FUT8: variants seen among roughly 807,000 people sequenced by gnomAD.
FUT8 encodes the protein alpha-(1,6)-fucosyltransferase.
In FUT8, 29 loss-of-function variants were observed where a neutral mutation model predicts 71.3. That is an observed-to-expected ratio of 0.41 (90% CI 0.30 to 0.55). The LOEUF is 0.55. FUT8 is among the 20% of genes least tolerant of loss of function. The probability of loss-of-function intolerance (pLI) is 0.34; values close to 1 mark genes in which losing one functional copy is unlikely to be tolerated. For synonymous variants in FUT8, 254 were observed against 239.3 expected (o/e 1.06, Z -0.57); for missense variants, 544 against 702.1 (o/e 0.77, Z 2.55).
chr14:65,370,829 G>A, the FUT8 span, among the ~76,000 whole-genome samples: 1 of 152,162 alleles, frequency 6.6e-6, no homozygotes, highest in Non-Finnish European at 1.5e-5. Flanking sequence ...TCAGTGATGA[G>A]CAGTGATAAG....
intron 3 of FUT8, among the ~76,000 whole-genome samples, chr14:65,611,287 A>G (rs1214834698): frequency 2.4e-5 from 1 of 42,292 alleles, no homozygotes. Context: ...ACACACACAC[A>G]CACACACACA....
intron 3 of FUT8, among the ~76,000 whole-genome samples, chr14:65,596,762 G>GT (rs1249291997): frequency 5.3e-5 from 8 of 151,904 alleles, no homozygotes; most frequent in Non-Finnish European, 1.0e-4. Context: ...AAAATGCATG[G>GT]TTGTTTTCTC....
chr14:65,707,085 A>G (rs957898964), intron 7 of FUT8, among the ~76,000 whole-genome samples: 3 of 152,168 alleles, frequency 2.0e-5, no homozygotes, highest in Non-Finnish European at 4.4e-5. Flanking sequence ...TTTTTAAAAA[A>G]TATAGATTCC....
Position 65,669,535 on chromosome 14 carries a change from A to G in FUT8, c.835+55A>G. ...CTGGGCTGTTTCACTCAATTACCAGATTATTAGATTTCTAGGTAGACCTTC... is the reference window on the plus strand; with the variant it reads ...CTGGGCTGTTTCACTCAATTACCAGGTTATTAGATTTCTAGGTAGACCTTC... On this transcript the variant is annotated intron_variant, in intron 7 of 10. Coordinates refer to ENST00000673929, the MANE Select transcript of FUT8 (RefSeq NM_001371533.1). This position sits in a 1 kb window ranked among gnomAD's most constrained non-coding sequence, Gnocchi z 4.5. The G allele has an allele frequency of 8.2e-7, 1 of 1,222,464 alleles. No homozygotes were observed. Among genetic ancestry groups the G allele is most frequent in the East Asian group, 2.3e-5 (1 of 42,954 alleles). 75.7% of individuals were successfully genotyped at this position (1,222,464 alleles called of 1,614,324 possible).
In FUT8 at chr14:65,439,954, G is replaced by GTATATATATATATA. The variant is rs60534547; in HGVS notation, c.-325-15643_-325-15630dup. Among the ~76,000 whole-genome samples, 103 of 74,914 alleles carry GTATATATATATATA rather than the reference G, an allele frequency of 1.4e-3. 2 individuals are homozygous for GTATATATATATATA. The highest frequency in any genetic ancestry group is 3.8e-3 in the Admixed American group (23 of 6,120). 49.1% of individuals were successfully genotyped at this position (74,914 alleles called of 152,430 possible). A position where few individuals can be genotyped will look rare whatever the true frequency, so the allele number is the denominator to read the frequency against. On this transcript the variant is annotated intron_variant, in intron 1 of 10. Coordinates refer to ENST00000673929, the MANE Select transcript of FUT8 (RefSeq NM_001371533.1). The stretch of plus-strand genomic sequence containing the variant: ...ATAAAGAAAATGTGTGTGTGTGTGT[G>GTATATATATATATA]TATATATATATATATATATATATAT...
In FUT8 at chr14:65,643,509, C is replaced by T. The variant is rs1016879771; in HGVS notation, c.597+13903C>T. Among the ~76,000 whole-genome samples the T allele has an allele frequency of 1.3e-5, 2 of 152,026 alleles. No homozygotes were observed. The highest frequency in any genetic ancestry group is 2.9e-5 in the Non-Finnish European group (2 of 67,996). Reference sequence around the variant, plus strand: ...CTCTACTAAAAATACAAAAGATTAGCCGGGCGTGGTGGCGGGCACCTGTAG... The same window carrying T: ...CTCTACTAAAAATACAAAAGATTAGTCGGGCGTGGTGGCGGGCACCTGTAG... On this transcript the variant is annotated intron_variant, in intron 6 of 10. Coordinates refer to ENST00000673929, the MANE Select transcript of FUT8 (RefSeq NM_001371533.1). The surrounding 1 kb of genome is among the most constrained non-coding windows in gnomAD (Gnocchi z 4.5).
At chr14:65,700,093 A>T (rs1894206460) in intron 7 of FUT8, among the ~76,000 whole-genome samples, 1 of 152,120 alleles carries the variant, frequency 6.6e-6, no homozygotes, top group Admixed American at 6.5e-5. Context: ...ACATAATCTG[A>T]TTATGTTGTA....
chr14:65,362,848 G>A, the FUT8 span, among the ~76,000 whole-genome samples: 2 of 151,748 alleles, frequency 1.3e-5, no homozygotes, highest in Admixed American at 1.3e-4. Context: ...TGTAGTCCCA[G>A]CTACTCAGGA....
At chr14:65,718,492 A>G (rs541681508) in intron 7 of FUT8, among the ~76,000 whole-genome samples, 2 of 152,312 alleles carry the variant, frequency 1.3e-5, no homozygotes, top group South Asian at 4.2e-4. Context: ...TAAGATATCA[A>G]TAGGTTACAT....
At chr14:65,521,455 G>A (rs976915813) in intron 2 of FUT8, among the ~76,000 whole-genome samples, 1 of 152,172 alleles carries the variant, frequency 6.6e-6, no homozygotes, top group Non-Finnish European at 1.5e-5. Context: ...GTACATTAGG[G>A]ATGGTAATAA....
chr14:65,519,175 G>A (rs953057824), intron 2 of FUT8, among the ~76,000 whole-genome samples: 1 of 152,146 alleles, frequency 6.6e-6, no homozygotes. Flanking sequence ...TAGTGAGGAA[G>A]TGGAACGTGT....
intron 9 of FUT8, among the ~76,000 whole-genome samples, chr14:65,727,281 C>G (rs1441896093): frequency 6.6e-6 from 1 of 152,198 alleles, no homozygotes; most frequent in Non-Finnish European, 1.5e-5. Flanking sequence ...TTTTGCTTCT[C>G]TACTGCCCTA....
chr14:65,596,263 G>A lies in FUT8; in HGVS notation c.204-19715G>A, dbSNP rs796826011. On this transcript the variant is annotated intron_variant, in intron 3 of 10. Coordinates refer to ENST00000673929, the MANE Select transcript of FUT8 (RefSeq NM_001371533.1). ...AAATGAAAAGTTGTAATTTTGATGT[G>A]TTTTGATTTTAAATATAGATTTGCT... Among the ~76,000 whole-genome samples the A allele has an allele frequency of 9.2e-5, 14 of 152,194 alleles. 3 individuals carry two copies. The highest frequency in any genetic ancestry group is 3.4e-4 in the African/African-American group (14 of 41,512).
At chr14:65,738,827 A>G (rs1378911301) in intron 10 of FUT8, among the ~76,000 whole-genome samples, 2 of 152,096 alleles carry the variant, frequency 1.3e-5, no homozygotes, top group East Asian at 1.9e-4. Flanking sequence ...TTAATGTTAT[A>G]TATGGATCTT....
At position 65,416,039 on chromosome 14, in the gene FUT8, A is replaced by C. The variant is rs758102146; in HGVS notation, c.-326+2825A>C. 3.4e-4 allele frequency among the ~76,000 whole-genome samples: 52 copies of C among 152,330 alleles called. 1 individual carries two copies. Among genetic ancestry groups the C allele is most frequent in the Middle Eastern group, 6.8e-3 (2 of 294 alleles). ...GGCTGTTTATTATCCATAGCTCTTC[A>C]TTATGTAAATAGAATCTCAATGCTG... is the stretch of plus-strand genomic sequence containing the variant. On this transcript the variant is annotated intron_variant, in intron 1 of 10. Coordinates refer to ENST00000673929, the MANE Select transcript of FUT8 (RefSeq NM_001371533.1).
intron 2 of FUT8, 145 bp downstream of exon 2, chr14:65,455,863 T>G: frequency 5.1e-6 from 2 of 391,444 alleles, no homozygotes; most frequent in Non-Finnish European, 9.0e-6. Flanking sequence ...GAATTGTGTA[T>G]TAGTTAAGAA....
intron 2 of FUT8, among the ~76,000 whole-genome samples, chr14:65,558,364 CAATTA>C (rs1197013143): frequency 2.7e-5 from 4 of 150,710 alleles, no homozygotes; most frequent in Non-Finnish European, 5.9e-5. Context: ...TCTTTTAGGC[CAATTA>C]AATTTAATCA....
At chr14:65,450,903 T>C (rs1046838172) in intron 1 of FUT8, among the ~76,000 whole-genome samples, 1 of 151,506 alleles carries the variant, frequency 6.6e-6, no homozygotes, top group Admixed American at 6.6e-5. Context: ...CTTCCCTCTG[T>C]CGGCCAGGCT....
intron 2 of FUT8, among the ~76,000 whole-genome samples, chr14:65,521,606 A>C (rs113534546): frequency 6.6e-6 from 1 of 152,258 alleles, no homozygotes; most frequent in African/African-American, 2.4e-5. Flanking sequence ...GTTTCAGACA[A>C]GATCAAAAGC....
Sources: gnomAD v4.1 joint callset for allele counts (sites outside exome capture counted in the v4.1 genomes callset) on GRCh38, gnomAD v4.1.1 for gene constraint, Gnocchi (gnomAD v3.1) non-coding constraint, MANE v1.5 for transcripts, NCBI Gene and HGNC (gene_info 2026-07-23, HGNC 2026-07-21) for gene names.